NT5DC3: variants seen among roughly 807,000 people sequenced by gnomAD.
The protein encoded by NT5DC3 is 5'-nucleotidase domain containing 3.
NT5DC3 carries 42 observed loss-of-function variants against 67.8 expected under a neutral mutation model. That is an observed-to-expected ratio of 0.62 (90% confidence interval 0.48 to 0.80). NT5DC3 has a LOEUF of 0.80. Among genes scored for constraint, NT5DC3 ranks in the 30% least tolerant of loss-of-function variants. The probability of loss-of-function intolerance (pLI) is 0.00; values close to 1 mark genes in which losing one functional copy is unlikely to be tolerated. For missense variants in NT5DC3, 570 were observed against 696.4 expected (o/e 0.82, Z 2.04); for synonymous variants, 237 against 255.6 (o/e 0.93, Z 0.69).
At chr12:103,799,134 C>T (rs1886450542) in intron 4 of NT5DC3, among the ~76,000 whole-genome samples, 1 of 152,186 alleles carries the variant, frequency 6.6e-6, no homozygotes, top group African/African-American at 2.4e-5. Flanking sequence ...AAGCACAAGG[C>T]TTCCTAATGA....
At chr12:103,813,449 T>G (rs1013716190) in intron 2 of NT5DC3, among the ~76,000 whole-genome samples, 1 of 152,212 alleles carries the variant, frequency 6.6e-6, no homozygotes, top group Non-Finnish European at 1.5e-5. Context: ...AAGGGAAGCT[T>G]CTTTTTGGCA....
the NT5DC3 span, chr12:103,753,087 G>A: frequency 2.9e-6 from 3 of 1,023,630 alleles, no homozygotes; most frequent in Non-Finnish European, 2.8e-6. Flanking sequence ...AACATAACTT[G>A]AAGGGAAAGT....
intron 6 of NT5DC3, among the ~76,000 whole-genome samples, 154 bp from the exon 7 acceptor site, chr12:103,794,151 CT>C (rs796470465): frequency 9.9e-4 from 138 of 139,984 alleles, no homozygotes; most frequent in Admixed American, 1.0e-3. Context: ...TTTTCTTCTT[CT>C]TTTTTTTTTT....
At chr12:103,791,059 T>C (rs565780470) in intron 9 of NT5DC3, among the ~76,000 whole-genome samples, 23 of 152,262 alleles carry the variant, frequency 1.5e-4, no homozygotes, top group Middle Eastern at 3.4e-3. Context: ...AGGCATCTCC[T>C]ACTGTAGGGC....
intron 1 of NT5DC3, among the ~76,000 whole-genome samples, chr12:103,822,648 T>C (rs914657914): frequency 3.9e-5 from 6 of 152,132 alleles, no homozygotes; most frequent in African/African-American, 1.4e-4. Context: ...GTTTTGGGGG[T>C]GTTCTATTCT....
chr12:103,755,168 C>G, the NT5DC3 span: 1 of 1,236,702 alleles, frequency 8.1e-7, no homozygotes, highest in South Asian at 1.4e-5. Context: ...TACTGTGTGC[C>G]AGGCACAGAG....
chr12:103,811,533 C>T (rs80087251), intron 2 of NT5DC3, among the ~76,000 whole-genome samples: 49 of 152,158 alleles, frequency 3.2e-4, no homozygotes, highest in Non-Finnish European at 4.0e-4. Context: ...TGGCATGCTT[C>T]GAAACTGTCA....
At chr12:103,790,770 G>GGCTCACTGCAA (rs71440509) in intron 9 of NT5DC3, among the ~76,000 whole-genome samples, 55,079 of 141,510 alleles carry the variant, frequency 0.39, 11,429 homozygotes, top group East Asian at 0.88. Flanking sequence ...GCATGACCTC[G>GGCTCACTGCAA]GCTCTGCCTC....
At position 103,776,389 on chromosome 12, in the gene NT5DC3, C is replaced by T. The variant is rs1885339152; in HGVS notation, c.*1440G>A. The T allele has an allele frequency of 6.6e-6, 1 of 152,206 alleles. No individual in the cohort carries two copies. Among genetic ancestry groups the T allele is most frequent in the Non-Finnish European group, 1.5e-5 (1 of 68,076 alleles). 9.4% of individuals were successfully genotyped at this position (152,206 alleles called of 1,614,324 possible). A position where few individuals can be genotyped will look rare whatever the true frequency, so the allele number is the denominator to read the frequency against. On this transcript the variant is annotated 3_prime_UTR_variant, in exon 14 of 14. Transcript: ENST00000392876. ...TGACCAACATGGAGAAACCCCATCT[C>T]TACTAGAAATACAAAATTAGCTGGG...
chr12:103,777,361 C>G lies in NT5DC3; in HGVS notation c.*468G>C, dbSNP rs1203353303. ...GGAACCTCTCTGCCACTCACAGCAG[C>G]GTTTTACCATTGTGGAGCCCACGAA... On this transcript the variant is annotated 3_prime_UTR_variant, in exon 14 of 14. Coordinates refer to ENST00000392876, the MANE Select transcript of NT5DC3 (RefSeq NM_001031701.3). The G allele has an allele frequency of 6.2e-6, 1 of 161,580 alleles. No individual in the cohort carries two copies. Among genetic ancestry groups the G allele is most frequent in the Non-Finnish European group, 1.4e-5 (1 of 73,308 alleles). The allele number at this position is 161,580 out of a possible 1,614,324, so 10.0% of individuals were successfully genotyped here.
chr12:103,787,459 A>G lies in NT5DC3; in HGVS notation c.1170T>C (p.His390=). The G allele has an allele frequency of 1.2e-6, 2 of 1,601,826 alleles. No homozygotes were observed. The highest frequency in any genetic ancestry group is 1.3e-5 in the African/African-American group (1 of 74,792). ...CCCTCACCGCCAGGTCACTGTATAT[A>G]TGGTCACCAAAATACAACACTCTGG... ...RGSRVLYFGD[H]IYSDLADLTL... The change falls in exon 11 of 14, where the codon CAT becomes CAC. Residue 390 remains histidine, a synonymous_variant. Coordinates refer to ENST00000392876, the MANE Select transcript of NT5DC3 (RefSeq NM_001031701.3).
intron 1 of NT5DC3, among the ~76,000 whole-genome samples, chr12:103,829,150 A>C (rs1484521200): frequency 1.3e-5 from 2 of 152,230 alleles, no homozygotes; most frequent in Non-Finnish European, 2.9e-5. Context: ...AGTGAGAGTC[A>C]CCCATGTAGG....
At chr12:103,768,260 C>A (rs2139275181), downstream of NT5DC3, among the ~76,000 whole-genome samples, 1 of 151,340 alleles carries the variant, frequency 6.6e-6, no homozygotes, top group African/African-American at 2.4e-5. Flanking sequence ...CATGGTGAAA[C>A]CCTGTCTCTA....
At chr12:103,815,268 AC>A in intron 1 of NT5DC3, 147 bp from the exon 2 acceptor site, 1 of 556,870 alleles carries the variant, frequency 1.8e-6, no homozygotes, top group African/African-American at 1.9e-5. Context: ...GCCACAAAAG[AC>A]CACACGTTGC....
chr12:103,746,607 A>G, the NT5DC3 span: 1 of 1,614,092 alleles, frequency 6.2e-7, no homozygotes, highest in African/African-American at 1.3e-5. Context: ...TTTTGCCTGC[A>G]GTGTGTACGC....
chr12:103,770,840 T>C (rs1369806082), downstream of NT5DC3: 1 of 152,162 alleles, frequency 6.6e-6, no homozygotes, highest in Non-Finnish European at 1.5e-5. Flanking sequence ...AGGAGGGTGG[T>C]AAGTGAGCCT....
At chr12:103,836,399 CA>C (rs1264229503) in intron 1 of NT5DC3, among the ~76,000 whole-genome samples, 1 of 152,156 alleles carries the variant, frequency 6.6e-6, no homozygotes, top group Non-Finnish European at 1.5e-5. Context: ...TAAATAGAGC[CA>C]TTCCAAATGG....
chr12:103,813,865 G>C (rs977223783), intron 2 of NT5DC3, among the ~76,000 whole-genome samples: 2 of 152,176 alleles, frequency 1.3e-5, no homozygotes, highest in African/African-American at 4.8e-5. Context: ...GTACTCGAAT[G>C]GTTAAATATA....
intron 1 of NT5DC3, among the ~76,000 whole-genome samples, chr12:103,825,961 C>T (rs1887678001): frequency 6.6e-6 from 1 of 152,126 alleles, no homozygotes; most frequent in South Asian, 2.1e-4. Flanking sequence ...TACTACAATC[C>T]CTCATATGCA....
Sources: allele counts gnomAD v4.1 joint callset (sites outside exome capture counted in the v4.1 genomes callset), GRCh38; gene constraint gnomAD v4.1.1; transcripts MANE v1.5; gene names NCBI Gene and HGNC (gene_info 2026-07-23, HGNC 2026-07-21).